DLGAP1: variants seen among roughly 807,000 people sequenced by gnomAD.
The protein encoded by DLGAP1 is disks large-associated protein 1.
DLGAP1 carries 11 observed loss-of-function variants against 90.8 expected under a neutral mutation model. That is an observed-to-expected ratio of 0.12 (90% CI 0.08 to 0.20). DLGAP1 has a LOEUF of 0.20. Among genes scored for constraint, DLGAP1 ranks in the 10% least tolerant of loss-of-function variants. The pLI, the probability that DLGAP1 is intolerant of heterozygous loss-of-function variation, is 1.00. For synonymous variants in DLGAP1, 558 were observed against 540.7 expected (o/e 1.03, Z -0.44); for missense variants, 1,050 against 1,333.8 (o/e 0.79, Z 3.31).
intron 2 of DLGAP1, among the ~76,000 whole-genome samples, chr18:4,083,924 A>G (rs552038176): frequency 6.6e-6 from 1 of 152,286 alleles, no homozygotes; most frequent in South Asian, 2.1e-4. Context: ...TCTCTAGGAC[A>G]GAGGGCTTTC....
chr18:4,398,108 T>G (rs2082476691), intron 1 of DLGAP1, among the ~76,000 whole-genome samples: 1 of 152,228 alleles, frequency 6.6e-6, no homozygotes, highest in South Asian at 2.1e-4. Context: ...AAATTAATGT[T>G]AATAAATATT....
At chr18:4,061,850 CA>C (rs1456640383) in intron 2 of DLGAP1, among the ~76,000 whole-genome samples, 1 of 151,752 alleles carries the variant, frequency 6.6e-6, no homozygotes, top group African/African-American at 2.4e-5. Context: ...TTTTGTCATC[CA>C]CAGACAGTTT....
chr18:3,657,781 T>C (rs994438220), intron 7 of DLGAP1, among the ~76,000 whole-genome samples: 1 of 152,026 alleles, frequency 6.6e-6, no homozygotes, highest in African/African-American at 2.4e-5. Flanking sequence ...TTTTTTTGTA[T>C]TTTTAGTAGA....
chr18:4,271,582 T>A (rs2079282733), intron 1 of DLGAP1, among the ~76,000 whole-genome samples: 1 of 152,166 alleles, frequency 6.6e-6, no homozygotes, highest in South Asian at 2.1e-4. Context: ...ATACTAAACA[T>A]TATTTAATCT....
chr18:4,051,823 C>T (rs116790383), intron 2 of DLGAP1, among the ~76,000 whole-genome samples: 5,621 of 152,264 alleles, frequency 0.037, 190 homozygotes, highest in African/African-American at 0.082. Flanking sequence ...TTCCTAGATA[C>T]AAGTGGGGTA....
At chr18:4,321,661 CT>C (rs1180909797) in intron 1 of DLGAP1, among the ~76,000 whole-genome samples, 1 of 152,130 alleles carries the variant, frequency 6.6e-6, no homozygotes, top group Non-Finnish European at 1.5e-5. Context: ...GAAACAAATA[CT>C]AAACCAATTC....
intron 2 of DLGAP1, among the ~76,000 whole-genome samples, chr18:4,121,492 C>G (rs1428075851): frequency 6.6e-6 from 1 of 152,118 alleles, no homozygotes; most frequent in South Asian, 2.1e-4. Context: ...TGATCACTCT[C>G]GATTCTGATC....
rs139286443 is a variant in DLGAP1 at position 3,724,764 on chromosome 18, G to A, written c.1591+4371C>T. On this transcript the variant is annotated intron_variant, in intron 7 of 12. Transcript: ENST00000315677. Reference sequence around the variant, plus strand: ...AAAATGAAAAAAAAATTAGCCAGGCGTGGTGATGTGCACCTGTATTCCCAG... The same window carrying A: ...AAAATGAAAAAAAAATTAGCCAGGCATGGTGATGTGCACCTGTATTCCCAG... Among the ~76,000 whole-genome samples the A allele has an allele frequency of 1.4e-4, 21 of 151,958 alleles. 1 individual carries two copies. The highest frequency in any genetic ancestry group is 1.9e-4 in the African/African-American group (8 of 41,466).
intron 1 of DLGAP1, among the ~76,000 whole-genome samples, chr18:4,376,184 G>A (rs568462194): frequency 4.4e-4 from 67 of 152,152 alleles, no homozygotes; most frequent in African/African-American, 1.2e-3. Flanking sequence ...ACAGTATGTC[G>A]GCCAAGGCAC....
chr18:4,183,806 T>A (rs1348908466), intron 1 of DLGAP1, among the ~76,000 whole-genome samples: 1 of 152,158 alleles, frequency 6.6e-6, no homozygotes, highest in Admixed American at 6.6e-5. Flanking sequence ...ATTCTCCCTC[T>A]TGGTCTAAAA....
At chr18:4,277,586 G>C (rs1290201313) in intron 1 of DLGAP1, among the ~76,000 whole-genome samples, 1 of 152,130 alleles carries the variant, frequency 6.6e-6, no homozygotes, top group African/African-American at 2.4e-5. Flanking sequence ...ATTTTAAAAG[G>C]AAACTTTAAA....
At chr18:4,259,988 A>C (rs2078972421) in intron 1 of DLGAP1, among the ~76,000 whole-genome samples, 1 of 152,214 alleles carries the variant, frequency 6.6e-6, no homozygotes, top group African/African-American at 2.4e-5. Flanking sequence ...TTGAAGATGA[A>C]AACAATTTTA....
At chr18:4,092,973 C>G (rs149479754) in intron 2 of DLGAP1, among the ~76,000 whole-genome samples, 67 of 152,310 alleles carry the variant, frequency 4.4e-4, no homozygotes, top group African/African-American at 1.6e-3. Flanking sequence ...CTCCAGTGCT[C>G]ACAACCCACA....
intron 8 of DLGAP1, among the ~76,000 whole-genome samples, chr18:3,568,977 C>T (rs1159406431): frequency 4.7e-5 from 7 of 150,480 alleles, no homozygotes; most frequent in African/African-American, 1.2e-4. Context: ...TGAGCCACCA[C>T]GCCTGGCCTA....
chr18:3,568,142 G>T (rs1257661839), intron 8 of DLGAP1, among the ~76,000 whole-genome samples: 1 of 152,134 alleles, frequency 6.6e-6, no homozygotes, highest in Non-Finnish European at 1.5e-5. Context: ...CAAGTGTTCT[G>T]CCCGCCTGGG....
chr18:3,501,247 AAATT>A (rs1430194205), intron 12 of DLGAP1, among the ~76,000 whole-genome samples: 1 of 152,066 alleles, frequency 6.6e-6, no homozygotes, highest in Non-Finnish European at 1.5e-5. Flanking sequence ...AAAAAAAAAA[AAATT>A]AGATGCATCA....
intron 9 of DLGAP1, among the ~76,000 whole-genome samples, chr18:3,548,913 T>C (rs1039312532): frequency 2.6e-5 from 4 of 152,136 alleles, no homozygotes; most frequent in African/African-American, 9.7e-5. Flanking sequence ...GGCACATGCC[T>C]GTAATCCCAG....
chr18:4,203,266 A>T (rs796289682), intron 1 of DLGAP1, among the ~76,000 whole-genome samples: 10 of 108,540 alleles, frequency 9.2e-5, no homozygotes, highest in South Asian at 8.0e-4. Flanking sequence ...CAGAGAGATT[A>T]AAAAAAAAAA....
intron 3 of DLGAP1, among the ~76,000 whole-genome samples, chr18:3,900,687 A>C (rs147469053): frequency 1.8e-4 from 27 of 152,308 alleles, no homozygotes; most frequent in Non-Finnish European, 3.2e-4. Flanking sequence ...TGCAGGAGGA[A>C]TCACACATGA....
Sources: gnomAD v4.1 joint callset for allele counts (sites outside exome capture counted in the v4.1 genomes callset) on GRCh38, gnomAD v4.1.1 for gene constraint, MANE v1.5 for transcripts, NCBI Gene and HGNC (gene_info 2026-07-23, HGNC 2026-07-21) for gene names.